SLC49A4: variants seen among roughly 807,000 people sequenced by gnomAD.
SLC49A4 encodes the protein disrupted in renal cancer protein 2.
A neutral mutation model predicts 50.6 loss-of-function variants in SLC49A4; 36 were observed. That is an observed-to-expected ratio of 0.71 (90% CI 0.55 to 0.94). The LOEUF is 0.94. SLC49A4 is among the 40% of genes least tolerant of loss of function. The pLI, the probability that SLC49A4 is intolerant of heterozygous loss-of-function variation, is 0.00. For missense variants in SLC49A4, 503 were observed against 605.7 expected (o/e 0.83, Z 1.78); for synonymous variants, 248 against 241.2 (o/e 1.03, Z -0.26).
chr3:122,854,927 T>TA (rs1370349560), intron 5 of SLC49A4, among the ~76,000 whole-genome samples: 1 of 151,652 alleles, frequency 6.6e-6, no homozygotes, highest in Non-Finnish European at 1.5e-5. Flanking sequence ...CAGTCTCTAC[T>TA]AAAAAAATAC....
Position 122,822,369 on chromosome 3 carries a change from CTG to C in SLC49A4, c.438-4429_438-4428del, listed in dbSNP as rs559154986. On this transcript the variant is annotated intron_variant, in intron 2 of 8. Transcript: ENST00000261038. Reference sequence around the variant, plus strand: ...AAGTGGAGAGACTTTTTAGTTCAGACTGTTCATTTAAGCTGGATGTTTTTTCT... The same window carrying C: ...AAGTGGAGAGACTTTTTAGTTCAGACTTCATTTAAGCTGGATGTTTTTTCT... 3.7e-3 allele frequency among the ~76,000 whole-genome samples: 565 copies of C among 152,298 alleles called. 3 individuals are homozygous for C. Among genetic ancestry groups the C allele is most frequent in the Non-Finnish European group, 5.3e-3 (363 of 68,014 alleles).
chr3:122,826,724 T>C (rs746436656), intron 2 of SLC49A4, 76 bp from the exon 3 acceptor site: 3 of 1,471,606 alleles, frequency 2.0e-6, no homozygotes, highest in Non-Finnish European at 2.8e-6. Flanking sequence ...TAAAAACTGC[T>C]GTTTGGCTCA....
intron 4 of SLC49A4, among the ~76,000 whole-genome samples, chr3:122,844,091 A>G (rs962526586): frequency 4.6e-5 from 7 of 152,242 alleles, no homozygotes; most frequent in African/African-American, 1.7e-4. Flanking sequence ...CAGACCCTGT[A>G]ACATGATTGC....
At chr3:122,876,155 G>A (rs1368522093) in intron 8 of SLC49A4, among the ~76,000 whole-genome samples, 3 of 152,236 alleles carry the variant, frequency 2.0e-5, no homozygotes, top group African/African-American at 7.2e-5. Context: ...ACATAGCACA[G>A]TGATGCTTTA....
intron 2 of SLC49A4, among the ~76,000 whole-genome samples, chr3:122,819,694 T>C (rs940318136): frequency 6.6e-5 from 10 of 152,202 alleles, no homozygotes; most frequent in Admixed American, 1.3e-4. Context: ...CTGTCTTCCT[T>C]TTTCCTGTAG....
At chr3:122,846,502 C>CA (rs1440157281) in intron 5 of SLC49A4, among the ~76,000 whole-genome samples, 21 of 152,246 alleles carry the variant, frequency 1.4e-4, no homozygotes, top group Middle Eastern at 3.4e-3. Context: ...GCTGTATTAA[C>CA]ACTCTCTTAC....
At chr3:122,872,935 A>C (rs56032645) in intron 8 of SLC49A4, among the ~76,000 whole-genome samples, 7,293 of 152,010 alleles carry the variant, frequency 0.048, 213 homozygotes, top group Non-Finnish European at 0.075. Flanking sequence ...ATTCTCATTG[A>C]GAACCTCTGG....
chr3:122,844,151 A>G (rs1215423272), intron 4 of SLC49A4, among the ~76,000 whole-genome samples: 8 of 152,232 alleles, frequency 5.3e-5, no homozygotes, highest in Non-Finnish European at 7.3e-5. Context: ...GCCAGATTGT[A>G]GTGATGTGAT....
chr3:122,872,348 C>G, intron 7 of SLC49A4, 67 bp from the exon 8 acceptor site: 6 of 1,341,974 alleles, frequency 4.5e-6, no homozygotes, highest in Non-Finnish European at 6.2e-6. Flanking sequence ...GAGAACACCC[C>G]GAAGATCTAT....
chr3:122,845,943 C>G, intron 5 of SLC49A4, 72 bp downstream of exon 5: 1 of 1,149,708 alleles, frequency 8.7e-7, no homozygotes, highest in Non-Finnish European at 1.2e-6. Flanking sequence ...GTTACGTGTT[C>G]TTGGTTTTAG....
intron 2 of SLC49A4, among the ~76,000 whole-genome samples, chr3:122,809,435 A>G (rs1936266960): frequency 6.6e-6 from 1 of 152,146 alleles, no homozygotes; most frequent in Non-Finnish European, 1.5e-5. Context: ...TAAAATGCCT[A>G]TTAAGGCCAG....
chr3:122,866,706 T>TC (rs1243503156), intron 7 of SLC49A4, among the ~76,000 whole-genome samples: 15 of 151,500 alleles, frequency 9.9e-5, no homozygotes, highest in South Asian at 6.3e-4. Flanking sequence ...AATCTAACCA[T>TC]CCCCCCCTGC....
chr3:122,802,580 T>C lies in SLC49A4; in HGVS notation c.344-4277T>C, dbSNP rs927936866. 2.0e-5 allele frequency among the ~76,000 whole-genome samples: 3 copies of C among 152,154 alleles called. No homozygotes were observed. The East Asian group carries it at 5.8e-4, about 29-fold the overall frequency. On this transcript the variant is annotated intron_variant, in intron 1 of 8. Coordinates refer to ENST00000261038, the MANE Select transcript of SLC49A4 (RefSeq NM_032839.3). ...TCACACAGGCTGGGAATAGTTCATG[T>C]TCCCAAGACCTGGAATGGAAAAACC...
chr3:122,845,618 T>G (rs1425155266), intron 4 of SLC49A4, 145 bp from the exon 5 acceptor site: 4 of 388,720 alleles, frequency 1.0e-5, no homozygotes, highest in Non-Finnish European at 1.3e-5. Flanking sequence ...TTTTTTTTTT[T>G]TTTTTTTTTT....
chr3:122,866,008 A>G (rs1937114140), intron 7 of SLC49A4, among the ~76,000 whole-genome samples: 1 of 151,990 alleles, frequency 6.6e-6, no homozygotes, highest in Admixed American at 6.6e-5. Flanking sequence ...ATTCTTTTCC[A>G]CCAAGAAGCA....
At chr3:122,879,066 A>G (rs983045113) in intron 8 of SLC49A4, among the ~76,000 whole-genome samples, 197 bp from the exon 9 acceptor site, 1 of 152,208 alleles carries the variant, frequency 6.6e-6, no homozygotes, top group African/African-American at 2.4e-5. Context: ...AATATTCCAC[A>G]TGGAAGCCCC....
intron 2 of SLC49A4, among the ~76,000 whole-genome samples, chr3:122,810,394 AC>A (rs1176035794): frequency 2.0e-5 from 3 of 152,170 alleles, no homozygotes; most frequent in Non-Finnish European, 4.4e-5. Context: ...ACAAAATAAT[AC>A]CCCAAAAAAA....
intron 4 of SLC49A4, among the ~76,000 whole-genome samples, 156 bp from the exon 5 acceptor site, chr3:122,845,607 G>GTTTTTT (rs35604258): frequency 1.0e-5 from 1 of 97,450 alleles, no homozygotes; most frequent in Non-Finnish European, 2.0e-5. Context: ...TTTCCAGCAC[G>GTTTTTT]TTTTTTTTTT....
intron 2 of SLC49A4, among the ~76,000 whole-genome samples, chr3:122,807,997 A>AAAGATACAGTGGGACCCC (rs35763891): frequency 2.0e-5 from 3 of 152,188 alleles, no homozygotes; most frequent in African/African-American, 7.2e-5. Context: ...GAAGACCTGG[A>AAAGATACAGTGGGACCCC]AAGATACAGT....
Sources: gnomAD v4.1 joint callset for allele counts (sites outside exome capture counted in the v4.1 genomes callset) on GRCh38, gnomAD v4.1.1 for gene constraint, MANE v1.5 for transcripts, NCBI Gene and HGNC (gene_info 2026-07-23, HGNC 2026-07-21) for gene names.